The following TECRL variants were observed in gnomAD, a reference collection of about 807,000 sequenced individuals.
TECRL encodes trans-2,3-enoyl-CoA reductase-like.
TECRL carries 63 observed loss-of-function variants against 52.8 expected under a neutral mutation model. The observed-to-expected ratio is 1.19, with a 90% CI of 0.97 to 1.47. TECRL has a LOEUF of 1.47. Among genes scored for constraint, TECRL ranks in the 40% most tolerant of loss-of-function variants. The pLI is 0.00. For missense variants in TECRL, 482 were observed against 429.6 expected, an observed-to-expected ratio of 1.12 and a Z score of -1.08; for synonymous variants, 164 against 141.9, an observed-to-expected ratio of 1.16 and a Z score of -1.10.
chr4:64,340,123 C>T (rs1560512010), intron 2 of TECRL, among the ~76,000 whole-genome samples: 2 of 152,198 alleles, frequency 1.3e-5, no homozygotes, highest in Non-Finnish European at 2.9e-5. Context: ...ATGCCAGCTG[C>T]AGTAGGGAGG....
intron 5 of TECRL, among the ~76,000 whole-genome samples, chr4:64,311,782 TGGA>T (rs1717016905): frequency 6.6e-6 from 1 of 152,178 alleles, no homozygotes; most frequent in Admixed American, 6.5e-5. Context: ...TTAGTTTTTG[TGGA>T]TTGCTAAATT....
intron 11 of TECRL, among the ~76,000 whole-genome samples, chr4:64,280,727 C>G (rs1293956826): frequency 6.6e-6 from 1 of 152,154 alleles, no homozygotes; most frequent in South Asian, 2.1e-4. Context: ...AACACATACA[C>G]ATGCCTGTGC....
intron 3 of TECRL, among the ~76,000 whole-genome samples, chr4:64,324,429 T>G (rs959152519): frequency 6.6e-6 from 1 of 152,006 alleles, no homozygotes; most frequent in Non-Finnish European, 1.5e-5. Context: ...TAACATATGT[T>G]ATTTGTGATT....
At chr4:64,346,953 C>T (rs987417160) in intron 2 of TECRL, among the ~76,000 whole-genome samples, 1 of 152,184 alleles carries the variant, frequency 6.6e-6, no homozygotes, top group Non-Finnish European at 1.5e-5. Flanking sequence ...TTTTGCTGAA[C>T]TTGAAGCCTG....
chr4:64,284,602 A>G (rs1438342192), intron 9 of TECRL, among the ~76,000 whole-genome samples: 1 of 151,858 alleles, frequency 6.6e-6, no homozygotes, highest in Non-Finnish European at 1.5e-5. Context: ...TCCTCACACC[A>G]CTCCCTAGAA....
chr4:64,340,251 G>A lies in TECRL; in HGVS notation c.287-11695C>T, dbSNP rs557377744. ...TTCTACTGCAGCCATCCAAACTGTG[G>A]CTGCAGACCCCAGCCTCTCACTCCA... On this transcript the variant is annotated intron_variant, in intron 2 of 11. Transcript: ENST00000381210. Among the ~76,000 whole-genome samples, 272 of 152,254 alleles carry A rather than the reference G, an allele frequency of 1.8e-3. 1 individual carries two copies. Among genetic ancestry groups the A allele is most frequent in the African/African-American group, 6.2e-3 (257 of 41,556 alleles).
chr4:64,343,572 G>GCA, intron 2 of TECRL, among the ~76,000 whole-genome samples: 1 of 150,822 alleles, frequency 6.6e-6, no homozygotes, highest in African/African-American at 2.4e-5. Context: ...AGATAAACAT[G>GCA]CACACACACA....
At chr4:64,389,234 A>G (rs191402579) in intron 1 of TECRL, among the ~76,000 whole-genome samples, 19 of 152,072 alleles carry the variant, frequency 1.2e-4, no homozygotes, top group African/African-American at 4.6e-4. Context: ...ACCATTAAAA[A>G]TGACGTGACC....
At chr4:64,406,331 A>G (rs546844120) in intron 1 of TECRL, among the ~76,000 whole-genome samples, 58 of 152,100 alleles carry the variant, frequency 3.8e-4, no homozygotes, top group Non-Finnish European at 6.9e-4. Context: ...TTCTGTTAGA[A>G]CATACATTAC....
Position 64,409,341 on chromosome 4 carries a change from C to T in TECRL, c.11G>A (p.Arg4Lys). 2 of 1,612,870 alleles carry T rather than the reference C, an allele frequency of 1.2e-6. No homozygotes were observed. The highest frequency in any genetic ancestry group is 1.7e-6 in the Non-Finnish European group (2 of 1,179,184). MFK[R>K]HKSLASERKR... Reference sequence around the variant, plus strand: ...GCGTTCCGAAGCGAGGGACTTGTGCCTTTTGAACATTGTGTGAACTAAGAG... The same window carrying T: ...GCGTTCCGAAGCGAGGGACTTGTGCTTTTTGAACATTGTGTGAACTAAGAG... Residue 4 changes from arginine to lysine, a missense_variant, in exon 1 of 12, where the codon AGG (arginine) becomes AAG (lysine). By Grantham distance (26) the Arg-to-Lys change is conservative (BLOSUM62 2). Transcript: ENST00000381210.
chr4:64,324,246 T>A (rs1485213731), intron 3 of TECRL, among the ~76,000 whole-genome samples: 3 of 152,132 alleles, frequency 2.0e-5, no homozygotes, highest in African/African-American at 7.2e-5. Flanking sequence ...TATAATAAAA[T>A]ATTTGAAAAA....
At chr4:64,316,817 T>A (rs927417416) in intron 4 of TECRL, among the ~76,000 whole-genome samples, 11 of 152,194 alleles carry the variant, frequency 7.2e-5, no homozygotes, top group Non-Finnish European at 1.6e-4. Flanking sequence ...TTTCAATTTA[T>A]TTCTATTATC....
At chr4:64,335,037 C>G (rs1230183515) in intron 2 of TECRL, among the ~76,000 whole-genome samples, 1 of 152,176 alleles carries the variant, frequency 6.6e-6, no homozygotes, top group African/African-American at 2.4e-5. Context: ...AAACAGTAAT[C>G]AGACCTGATT....
In TECRL at chr4:64,365,814, G is replaced by A. The variant is rs536520025; in HGVS notation, c.286+9358C>T. ...AAATGGCCATACAGACCAAAGCGAT[G>A]TACAGACTCAATGTTATTCATGTCA... On this transcript the variant is annotated intron_variant, in intron 2 of 11. Coordinates refer to ENST00000381210, the MANE Select transcript of TECRL (RefSeq NM_001010874.5). 3.0e-4 allele frequency among the ~76,000 whole-genome samples: 46 copies of A among 151,994 alleles called. No homozygotes were observed. The Middle Eastern group carries it at 0.01, about 34-fold the overall frequency.
chr4:64,303,739 T>C (rs576935812), intron 7 of TECRL, among the ~76,000 whole-genome samples: 13 of 151,930 alleles, frequency 8.6e-5, no homozygotes, highest in African/African-American at 3.1e-4. Context: ...TATTCTATCA[T>C]ATACTGTTGT....
intron 1 of TECRL, among the ~76,000 whole-genome samples, chr4:64,391,859 C>T (rs1723569058): frequency 6.6e-6 from 1 of 151,866 alleles, no homozygotes; most frequent in African/African-American, 2.4e-5. Context: ...TAGAAAGCTG[C>T]TGTCACACTG....
intron 1 of TECRL, among the ~76,000 whole-genome samples, chr4:64,378,579 T>A (rs574262225): frequency 6.6e-6 from 1 of 152,192 alleles, no homozygotes; most frequent in African/African-American, 2.4e-5. Flanking sequence ...TGGACAAGGA[T>A]TTTCTCAGTA....
chr4:64,297,610 C>T lies in TECRL; in HGVS notation c.774+2364G>A, dbSNP rs553064663. Among the ~76,000 whole-genome samples the T allele has an allele frequency of 7.9e-5, 12 of 151,186 alleles. No homozygotes were observed. The East Asian group carries it at 2.3e-3, about 29-fold the overall frequency. Reference sequence around the variant, plus strand: ...ACATAGTAGAATATAATTTCAAATGCATTGGACTTGACATATGCTGACTAT... The same window carrying T: ...ACATAGTAGAATATAATTTCAAATGTATTGGACTTGACATATGCTGACTAT... On this transcript the variant is annotated intron_variant, in intron 8 of 11. Coordinates refer to ENST00000381210, the MANE Select transcript of TECRL (RefSeq NM_001010874.5).
chr4:64,304,689 A>G (rs1279594511), intron 7 of TECRL, among the ~76,000 whole-genome samples: 3 of 152,098 alleles, frequency 2.0e-5, no homozygotes, highest in Non-Finnish European at 2.9e-5. Context: ...CATCCAGTGT[A>G]CATTCAACCA....
Sources: gnomAD v4.1 joint callset for allele counts (sites outside exome capture counted in the v4.1 genomes callset) on GRCh38, gnomAD v4.1.1 for gene constraint, MANE v1.5 for transcripts, NCBI Gene and HGNC (gene_info 2026-07-23, HGNC 2026-07-21) for gene names.